Variants in CDC40 observed in about 807,000 individuals in gnomAD.
CDC40 encodes cell division cycle 40.
Under a neutral mutation model 80.6 loss-of-function variants are expected in CDC40, and 27 were observed. That is an observed-to-expected ratio of 0.33 (90% CI 0.25 to 0.46). The LOEUF (loss-of-function observed/expected upper bound fraction) is 0.46. Ranked by LOEUF, CDC40 falls within the 20% of genes least tolerant of loss-of-function variation. CDC40 has a pLI of 1.00. For synonymous variants in CDC40, 221 were observed against 232.6 expected, an observed-to-expected ratio of 0.95 and a Z score of 0.45; for missense variants, 486 against 694.1, an observed-to-expected ratio of 0.70 and a Z score of 3.37.
intron 1 of CDC40, among the ~76,000 whole-genome samples, chr6:110,182,506 CAAAGAA>C (rs1182845414): frequency 1.3e-5 from 2 of 152,218 alleles, no homozygotes; most frequent in Non-Finnish European, 2.9e-5. Flanking sequence ...AAGCCGAGAA[CAAAGAA>C]GGTATCCTTT....
At chr6:110,220,355 A>G (rs1777752401) in intron 12 of CDC40, among the ~76,000 whole-genome samples, 2 of 151,868 alleles carry the variant, frequency 1.3e-5, no homozygotes, top group African/African-American at 4.8e-5. Context: ...CATACCCAAG[A>G]CTGGGCAATT....
At chr6:110,217,059 A>G (rs1777709956) in intron 9 of CDC40, among the ~76,000 whole-genome samples, 1 of 152,134 alleles carries the variant, frequency 6.6e-6, no homozygotes, top group South Asian at 2.1e-4. Context: ...GTGAGCTGAG[A>G]TCCAGCCACT....
chr6:110,223,287 G>T (rs576124456), intron 12 of CDC40, among the ~76,000 whole-genome samples: 1 of 152,264 alleles, frequency 6.6e-6, no homozygotes, highest in South Asian at 2.1e-4. Context: ...GTCTCACTCT[G>T]TTTGCTGGGC....
chr6:110,203,470 T>C (rs1777518279), intron 3 of CDC40, among the ~76,000 whole-genome samples: 1 of 152,224 alleles, frequency 6.6e-6, no homozygotes, highest in South Asian at 2.1e-4. Flanking sequence ...TACCTTGTAG[T>C]GGTGTTATCT....
At chr6:110,215,363 G>A (rs1562205682) in intron 9 of CDC40, 32 bp downstream of exon 9, 10 of 1,570,196 alleles carry the variant, frequency 6.4e-6, no homozygotes, top group Non-Finnish European at 8.8e-6. Context: ...ACATAAATCT[G>A]GGAAGAATTT....
chr6:110,213,013 GTCTTT>G, intron 7 of CDC40, 68 bp from the exon 8 acceptor site: 1 of 1,029,224 alleles, frequency 9.7e-7, no homozygotes, highest in South Asian at 1.3e-5. Flanking sequence ...AATATATACT[GTCTTT>G]TCTTGATGCT....
intron 1 of CDC40, among the ~76,000 whole-genome samples, chr6:110,186,310 G>A (rs543487513): frequency 6.6e-6 from 1 of 152,200 alleles, no homozygotes; most frequent in East Asian, 1.9e-4. Context: ...GCAACATGGA[G>A]AGACCCTGTC....
At chr6:110,206,348 CT>C (rs1020743713) in intron 3 of CDC40, among the ~76,000 whole-genome samples, 1 of 152,122 alleles carries the variant, frequency 6.6e-6, no homozygotes, top group South Asian at 2.1e-4. Flanking sequence ...GGGCTTAGTA[CT>C]TTTTTATGTA....
intron 9 of CDC40, 54 bp from the exon 10 acceptor site, chr6:110,217,648 A>T (rs1453801759): frequency 1.2e-6 from 1 of 817,260 alleles, no homozygotes; most frequent in Non-Finnish European, 2.2e-6. Flanking sequence ...GTTTTAAGAG[A>T]AGAAGATATA....
At chr6:110,219,680 T>C in intron 11 of CDC40, 56 bp from the exon 12 acceptor site, 1 of 1,563,848 alleles carries the variant, frequency 6.4e-7, no homozygotes, top group Admixed American at 1.8e-5. Context: ...AGAATTATGG[T>C]CTTTCATAAA....
At chr6:110,201,949 C>T (rs1401674193) in intron 3 of CDC40, among the ~76,000 whole-genome samples, 6 of 152,124 alleles carry the variant, frequency 3.9e-5, no homozygotes, top group African/African-American at 1.4e-4. Context: ...TGTTGTCGTA[C>T]TAGGTAATGG....
At chr6:110,197,739 A>C (rs919330782) in intron 2 of CDC40, among the ~76,000 whole-genome samples, 2 of 152,134 alleles carry the variant, frequency 1.3e-5, no homozygotes, top group Non-Finnish European at 2.9e-5. Flanking sequence ...AGGTTAATCT[A>C]TGCTGTCAGA....
At chr6:110,190,234 C>T (rs955876129) in intron 1 of CDC40, among the ~76,000 whole-genome samples, 2 of 152,088 alleles carry the variant, frequency 1.3e-5, no homozygotes, top group South Asian at 2.1e-4. Flanking sequence ...AATAAGAAGG[C>T]GGCATAAAAT....
intron 4 of CDC40, among the ~76,000 whole-genome samples, chr6:110,208,746 T>C (rs1777594954): frequency 6.6e-6 from 1 of 152,194 alleles, no homozygotes; most frequent in South Asian, 2.1e-4. Context: ...GTCGTACAAA[T>C]CCACTGACAC....
chr6:110,212,107 T>C, intron 6 of CDC40, 26 bp from the exon 7 acceptor site: 1 of 1,597,230 alleles, frequency 6.3e-7, no homozygotes, highest in Non-Finnish European at 8.6e-7. Context: ...ATTTGTTTAT[T>C]GATTTTCTTT....
At position 110,224,999 on chromosome 6, in the gene CDC40, A is replaced by G. The variant is rs115662405; in HGVS notation, c.1341-1168A>G. ...TTTTAATACTTTTGGTTCATTATAA[A>G]TGTCAGTTCTCATTGGTACCATAGA... On this transcript the variant is annotated intron_variant, in intron 12 of 14. Coordinates refer to ENST00000307731, the MANE Select transcript of CDC40 (RefSeq NM_015891.3). Among the ~76,000 whole-genome samples the G allele has an allele frequency of 4.7e-3, 713 of 152,320 alleles. 3 individuals are homozygous for G. The highest frequency in any genetic ancestry group is 0.016 in the African/African-American group (683 of 41,558).
chr6:110,207,689 G>T, intron 4 of CDC40, 100 bp downstream of exon 4: 1 of 687,546 alleles, frequency 1.5e-6, no homozygotes, highest in Non-Finnish European at 2.6e-6. Flanking sequence ...AGTATTTAGC[G>T]CTTTTTTTTT....
At chr6:110,220,207 G>A (rs1777750667) in intron 12 of CDC40, among the ~76,000 whole-genome samples, 2 of 152,088 alleles carry the variant, frequency 1.3e-5, no homozygotes, top group East Asian at 1.9e-4. Flanking sequence ...TAGGGGGACT[G>A]AGCATAAGAT....
intron 9 of CDC40, among the ~76,000 whole-genome samples, chr6:110,216,505 G>C (rs1001242788): frequency 1.4e-4 from 22 of 152,186 alleles, no homozygotes; most frequent in Admixed American, 9.2e-4. Context: ...GATTTGGTCC[G>C]CATCTGTCTC....
Sources: allele counts gnomAD v4.1 joint callset (sites outside exome capture counted in the v4.1 genomes callset), GRCh38; gene constraint gnomAD v4.1.1; transcripts MANE v1.5; gene names NCBI Gene and HGNC (gene_info 2026-07-23, HGNC 2026-07-21).